ASTN2: variants seen among roughly 807,000 people sequenced by gnomAD.
The protein encoded by ASTN2 is astrotactin-2.
ASTN2 carries 54 observed loss-of-function variants against 139.8 expected under a neutral mutation model. That is an observed-to-expected ratio of 0.39 (90% CI 0.31 to 0.48). The LOEUF (loss-of-function observed/expected upper bound fraction) is 0.48. Ranked by LOEUF, ASTN2 falls within the 20% of genes least tolerant of loss-of-function variation. The probability of loss-of-function intolerance (pLI) is 0.95; values close to 1 mark genes in which losing one functional copy is unlikely to be tolerated. For missense variants in ASTN2, 1,565 were observed against 1,725.1 expected (o/e 0.91, Z 1.64); for synonymous variants, 756 against 719.5 (o/e 1.05, Z -0.81).
rs139609686 is a variant in ASTN2, at chr9:116,503,507, G to A, written c.3356-16007C>T. 2.8e-3 allele frequency among the ~76,000 whole-genome samples: 427 copies of A among 152,192 alleles called. 2 individuals are homozygous for A. Among genetic ancestry groups the A allele is most frequent in the African/African-American group, 7.8e-3 (325 of 41,542 alleles). The stretch of plus-strand genomic sequence containing the variant: ...AATCCACAATGAAAACTATAAAAGC[G>A]TTTTTAGGCTTGGAAAATTTAGCTG... On this transcript the variant is annotated intron_variant, in intron 19 of 22. Coordinates refer to ENST00000313400, the MANE Select transcript of ASTN2 (RefSeq NM_001365068.1).
chr9:116,506,976 G>A (rs1009030011), intron 19 of ASTN2, among the ~76,000 whole-genome samples: 1 of 152,144 alleles, frequency 6.6e-6, no homozygotes, highest in African/African-American at 2.4e-5. Context: ...AAACTCTGGG[G>A]ATTGGTTTAA....
intron 3 of ASTN2, among the ~76,000 whole-genome samples, chr9:117,143,818 A>G (rs78470238): frequency 6.2e-4 from 94 of 151,138 alleles, no homozygotes; most frequent in Middle Eastern, 3.4e-3. Context: ...GAGAGAGAGA[A>G]AAAAAAAACC....
intron 10 of ASTN2, among the ~76,000 whole-genome samples, chr9:116,915,113 G>A (rs1305428392): frequency 6.6e-6 from 1 of 152,132 alleles, no homozygotes; most frequent in Admixed American, 6.5e-5. Context: ...AGAACACACT[G>A]CCCTCTCTTG....
intron 10 of ASTN2, among the ~76,000 whole-genome samples, chr9:116,972,254 G>A (rs565381996): frequency 6.6e-6 from 1 of 151,898 alleles, no homozygotes; most frequent in East Asian, 1.9e-4. Context: ...TTTGTGTCTG[G>A]TTTCCAAAAT....
intron 7 of ASTN2, among the ~76,000 whole-genome samples, chr9:116,997,960 G>T (rs1837072540): frequency 6.6e-6 from 1 of 152,122 alleles, no homozygotes; most frequent in African/African-American, 2.4e-5. Context: ...TAATGAATCT[G>T]CATTGAATGG....
At chr9:116,573,040 T>TAC (rs1367537398) in intron 19 of ASTN2, among the ~76,000 whole-genome samples, 4 of 136,268 alleles carry the variant, frequency 2.9e-5, no homozygotes, top group East Asian at 2.0e-4. Context: ...CACACATATA[T>TAC]ACACACACAC....
At chr9:116,975,480 A>C in intron 9 of ASTN2, 135 bp from the exon 10 acceptor site, 1 of 851,198 alleles carries the variant, frequency 1.2e-6, no homozygotes, top group East Asian at 2.9e-5. Flanking sequence ...TTTAAGGAAC[A>C]ATGTTGGCCA....
chr9:117,315,300 A>T (rs1207809606), intron 1 of ASTN2, among the ~76,000 whole-genome samples: 1 of 152,230 alleles, frequency 6.6e-6, no homozygotes, highest in Admixed American at 6.5e-5. Flanking sequence ...GCAATGACAC[A>T]GCCGTGCCTA....
chr9:116,888,745 T>C (rs1833682662), intron 10 of ASTN2, among the ~76,000 whole-genome samples: 1 of 151,904 alleles, frequency 6.6e-6, no homozygotes, highest in Admixed American at 6.6e-5. Flanking sequence ...GACATGTAGG[T>C]TTGTTACATA....
chr9:117,410,220 A>T (rs1284515448), intron 1 of ASTN2, among the ~76,000 whole-genome samples: 1 of 152,200 alleles, frequency 6.6e-6, no homozygotes, highest in Non-Finnish European at 1.5e-5. Context: ...ACTATCAAGC[A>T]CAGCAAGAAG....
chr9:116,547,653 A>G (rs1041161956), intron 19 of ASTN2: 1 of 152,200 alleles, frequency 6.6e-6, no homozygotes, highest in African/African-American at 2.4e-5. Context: ...TCAGTTATAC[A>G]GAAAGTTAAA....
At chr9:116,906,675 G>GT (rs1354024712) in intron 10 of ASTN2, among the ~76,000 whole-genome samples, 3 of 151,958 alleles carry the variant, frequency 2.0e-5, no homozygotes, top group East Asian at 1.9e-4. Context: ...CCTTGTTTTT[G>GT]TTTTTTGGTT....
At chr9:116,428,341 T>C (rs897317269) in intron 22 of ASTN2, among the ~76,000 whole-genome samples, 2 of 152,112 alleles carry the variant, frequency 1.3e-5, no homozygotes, top group Non-Finnish European at 2.9e-5. Flanking sequence ...CTGGCCAACA[T>C]ACTGAAACCC....
chr9:117,124,224 T>C (rs962719205), intron 4 of ASTN2, among the ~76,000 whole-genome samples: 1 of 152,136 alleles, frequency 6.6e-6, no homozygotes, highest in African/African-American at 2.4e-5. Context: ...GATATGCCAC[T>C]AACTCATGGT....
chr9:116,427,565 T>A (rs1033415636), intron 22 of ASTN2, among the ~76,000 whole-genome samples: 3 of 152,252 alleles, frequency 2.0e-5, no homozygotes, highest in Non-Finnish European at 2.9e-5. Flanking sequence ...TCTCCTGCTG[T>A]CCTCTCCATG....
intron 3 of ASTN2, among the ~76,000 whole-genome samples, chr9:117,172,033 C>T (rs535219464): frequency 1.3e-5 from 2 of 152,228 alleles, no homozygotes; most frequent in African/African-American, 2.4e-5. Flanking sequence ...CAAAATAACG[C>T]ATCTGTAGGA....
chr9:116,681,684 T>A, intron 16 of ASTN2, among the ~76,000 whole-genome samples: 1 of 151,978 alleles, frequency 6.6e-6, no homozygotes, highest in Non-Finnish European at 1.5e-5. Flanking sequence ...GAGATATAGA[T>A]CAATGGAACA....
At chr9:116,990,246 C>T (rs1429589710) in intron 7 of ASTN2, among the ~76,000 whole-genome samples, 1 of 152,164 alleles carries the variant, frequency 6.6e-6, no homozygotes, top group Non-Finnish European at 1.5e-5. Flanking sequence ...TTCCCCCTTC[C>T]TTTCTTCTTA....
chr9:116,798,440 G>A (rs1830757356), intron 13 of ASTN2, among the ~76,000 whole-genome samples: 1 of 152,226 alleles, frequency 6.6e-6, no homozygotes, highest in South Asian at 2.1e-4. Flanking sequence ...AGTGCTGGGA[G>A]CCTTGAAGGC....
Sources: allele counts gnomAD v4.1 joint callset (sites outside exome capture counted in the v4.1 genomes callset), GRCh38; gene constraint gnomAD v4.1.1; transcripts MANE v1.5; gene names NCBI Gene and HGNC (gene_info 2026-07-23, HGNC 2026-07-21).